KCNQ3: variants seen among roughly 807,000 people sequenced by gnomAD.
KCNQ3 encodes potassium voltage-gated channel subfamily KQT member 3.
KCNQ3 carries 30 observed loss-of-function variants against 92.5 expected under a neutral mutation model. The observed-to-expected ratio is 0.32, with a 90% CI of 0.24 to 0.44. The LOEUF (loss-of-function observed/expected upper bound fraction) is 0.44, where lower values mean the gene tolerates loss of function less well. KCNQ3 is among the 20% of genes least tolerant of loss of function. The pLI is 1.00. For synonymous variants in KCNQ3, 450 were observed against 468.8 expected, an observed-to-expected ratio of 0.96 and a Z score of 0.52; for missense variants, 913 against 1,140.3, an observed-to-expected ratio of 0.80 and a Z score of 2.87.
chr8:132,171,398 G>A (rs990623032), intron 7 of KCNQ3, among the ~76,000 whole-genome samples: 2 of 152,044 alleles, frequency 1.3e-5, no homozygotes, highest in Non-Finnish European at 2.9e-5. Flanking sequence ...CTGTAGACAG[G>A]ACACTCTGCT....
intron 1 of KCNQ3, among the ~76,000 whole-genome samples, chr8:132,453,522 C>A (rs910328509): frequency 2.6e-5 from 4 of 152,114 alleles, no homozygotes; most frequent in African/African-American, 9.7e-5. Context: ...GGGCCTAAAA[C>A]CGAGGGGCCT....
At chr8:132,245,308 T>G (rs1815133435) in intron 1 of KCNQ3, among the ~76,000 whole-genome samples, 1 of 152,204 alleles carries the variant, frequency 6.6e-6, no homozygotes, top group Admixed American at 6.5e-5. Context: ...CCCTGCAGTT[T>G]CTTCCTATTT....
At chr8:132,195,768 G>A (rs2130238532) in intron 1 of KCNQ3, among the ~76,000 whole-genome samples, 1 of 152,284 alleles carries the variant, frequency 6.6e-6, no homozygotes, top group East Asian at 1.9e-4. Context: ...GTCTACGAGA[G>A]ACTTACTGTA....
chr8:132,289,141 G>T (rs750006359), intron 1 of KCNQ3, among the ~76,000 whole-genome samples: 7 of 152,162 alleles, frequency 4.6e-5, no homozygotes, highest in African/African-American at 9.7e-5. Context: ...TCAATTCAAG[G>T]TTATGTGGAA....
chr8:132,213,381 TG>T (rs1361062820), intron 1 of KCNQ3, among the ~76,000 whole-genome samples: 2 of 152,124 alleles, frequency 1.3e-5, no homozygotes, highest in Non-Finnish European at 2.9e-5. Flanking sequence ...CCAAACTGCC[TG>T]GGGGGAAAAA....
At chr8:132,414,604 G>C (rs1197535940) in intron 1 of KCNQ3, among the ~76,000 whole-genome samples, 2 of 152,198 alleles carry the variant, frequency 1.3e-5, no homozygotes, top group Admixed American at 6.5e-5. Flanking sequence ...GGGAGGAAGG[G>C]GAATGAGGGG....
chr8:132,415,130 ACT>A (rs1820761609), intron 1 of KCNQ3, among the ~76,000 whole-genome samples: 4 of 152,084 alleles, frequency 2.6e-5, no homozygotes, highest in Admixed American at 2.0e-4. Context: ...TCCTGGGCTG[ACT>A]CTCAGCCTCC....
intron 4 of KCNQ3, among the ~76,000 whole-genome samples, chr8:132,178,083 C>T (rs1826628086): frequency 6.6e-6 from 1 of 152,226 alleles, no homozygotes; most frequent in Admixed American, 6.5e-5. Flanking sequence ...CAAAAGCCAG[C>T]AGGCACTGGG....
At chr8:132,365,438 A>G (rs188419852) in intron 1 of KCNQ3, among the ~76,000 whole-genome samples, 25 of 152,330 alleles carry the variant, frequency 1.6e-4, no homozygotes, top group Non-Finnish European at 2.9e-4. Context: ...TTTTTCTATC[A>G]TACCATCTGC....
intron 9 of KCNQ3, among the ~76,000 whole-genome samples, chr8:132,146,752 C>A (rs967334840): frequency 6.6e-6 from 1 of 152,088 alleles, no homozygotes; most frequent in Admixed American, 6.6e-5. Context: ...CCACACCTGG[C>A]TAATTTTTGT....
Sources: gnomAD v4.1 joint callset for allele counts (sites outside exome capture counted in the v4.1 genomes callset) on GRCh38, gnomAD v4.1.1 for gene constraint, MANE v1.5 for transcripts, NCBI Gene and HGNC (gene_info 2026-07-23, HGNC 2026-07-21) for gene names.